DCHS2: variants seen among roughly 807,000 people sequenced by gnomAD.
DCHS2 encodes the protein protocadherin-23.
A neutral mutation model predicts 182.4 loss-of-function variants in DCHS2; 142 were observed. That is an observed-to-expected ratio of 0.78 (90% CI 0.68 to 0.89). The LOEUF is 0.89. Ranked by LOEUF, DCHS2 falls within the 40% of genes least tolerant of loss-of-function variation. DCHS2 has a pLI of 0.00. For synonymous variants in DCHS2, 1,740 were observed against 1,663.3 expected (o/e 1.05, Z -1.12); for missense variants, 4,319 against 4,198.6 (o/e 1.03, Z -0.79).
At chr4:154,276,297 C>T (rs540132046) in intron 13 of DCHS2, among the ~76,000 whole-genome samples, 8 of 152,092 alleles carry the variant, frequency 5.3e-5, no homozygotes, top group Middle Eastern at 6.8e-3. Flanking sequence ...AGTCTGACAC[C>T]GTATTTAAAA....
At chr4:154,322,646 C>A in intron 7 of DCHS2, 158 bp from the exon 8 acceptor site, 2 of 1,061,208 alleles carry the variant, frequency 1.9e-6, no homozygotes, top group Non-Finnish European at 2.5e-6. Flanking sequence ...CAAGAAACAT[C>A]ACTTTTTAAA....
intron 1 of DCHS2, among the ~76,000 whole-genome samples, chr4:154,395,695 C>G (rs1339619155): frequency 6.6e-6 from 1 of 152,176 alleles, no homozygotes; most frequent in African/African-American, 2.4e-5. Flanking sequence ...AGCAAATTTT[C>G]TTTCCAATGC....
chr4:154,387,471 CT>C (rs1331160544), intron 1 of DCHS2, among the ~76,000 whole-genome samples: 1 of 151,948 alleles, frequency 6.6e-6, no homozygotes, highest in Admixed American at 6.6e-5. Context: ...ACATAAATTG[CT>C]AGAAAAATTG....
At chr4:154,309,869 T>A (rs771280832) in intron 10 of DCHS2, among the ~76,000 whole-genome samples, 2 of 152,172 alleles carry the variant, frequency 1.3e-5, no homozygotes, top group Non-Finnish European at 2.9e-5. Context: ...TTTGACCACA[T>A]AATAGTAAAA....
chr4:154,352,753 A>G (rs1729680005), intron 3 of DCHS2, among the ~76,000 whole-genome samples: 1 of 152,218 alleles, frequency 6.6e-6, no homozygotes, highest in Admixed American at 6.5e-5. Flanking sequence ...GTGATGTGAG[A>G]AACCTAGAGA....
intron 1 of DCHS2, among the ~76,000 whole-genome samples, chr4:154,430,179 G>A (rs530641456): frequency 6.6e-6 from 1 of 152,268 alleles, no homozygotes; most frequent in South Asian, 2.1e-4. Flanking sequence ...TAGCATGCTT[G>A]CAGATGACAC....
intron 1 of DCHS2, among the ~76,000 whole-genome samples, chr4:154,382,187 C>A (rs934712612): frequency 6.6e-6 from 1 of 152,008 alleles, no homozygotes; most frequent in African/African-American, 2.4e-5. Context: ...GGAAAGGACT[C>A]CTTAATCAAT....
chr4:154,276,676 G>T (rs538101259), intron 13 of DCHS2, among the ~76,000 whole-genome samples: 84 of 152,276 alleles, frequency 5.5e-4, no homozygotes, highest in African/African-American at 2.0e-3. Context: ...CTTAAGAAAA[G>T]CCTGGAGTGA....
At chr4:154,387,121 A>C (rs1439382395) in intron 1 of DCHS2, among the ~76,000 whole-genome samples, 1 of 152,204 alleles carries the variant, frequency 6.6e-6, no homozygotes, top group African/African-American at 2.4e-5. Context: ...CATATCCTCA[A>C]GTTACAGCCT....
chr4:154,391,358 T>A, intron 1 of DCHS2: 1 of 1,536,248 alleles, frequency 6.5e-7, no homozygotes, highest in Non-Finnish European at 8.8e-7. Flanking sequence ...ATGAACCCTT[T>A]CCTTGTGCTA....
chr4:154,249,177 C>T (rs933260334), intron 16 of DCHS2, among the ~76,000 whole-genome samples: 1 of 152,146 alleles, frequency 6.6e-6, no homozygotes, highest in South Asian at 2.1e-4. Flanking sequence ...AAAATATTCA[C>T]TAACTATGCA....
At chr4:154,273,388 T>C (rs1361260283) in intron 13 of DCHS2, among the ~76,000 whole-genome samples, 1 of 152,098 alleles carries the variant, frequency 6.6e-6, no homozygotes. Context: ...TTCTCATTCG[T>C]ATGTGGGAGC....
At chr4:154,330,955 T>C (rs1736494357) in intron 5 of DCHS2, among the ~76,000 whole-genome samples, 1 of 151,780 alleles carries the variant, frequency 6.6e-6, no homozygotes, top group Admixed American at 6.6e-5. Flanking sequence ...GCCTTGGAGG[T>C]CGGGGATGTA....
At chr4:154,451,448 T>C (rs1024165108) in intron 1 of DCHS2, among the ~76,000 whole-genome samples, 1 of 152,142 alleles carries the variant, frequency 6.6e-6, no homozygotes, top group African/African-American at 2.4e-5. Context: ...GTGTTATTAA[T>C]ATATATAGGC....
intron 1 of DCHS2, among the ~76,000 whole-genome samples, chr4:154,487,086 C>T (rs1728617190): frequency 6.6e-6 from 1 of 152,280 alleles, no homozygotes; most frequent in East Asian, 1.9e-4. Flanking sequence ...TCAAAAAAAT[C>T]ATAATTAATC....
Position 154,322,351 on chromosome 4 carries a change from G to T in DCHS2, c.4156C>A (p.Gln1386Lys), listed in dbSNP as rs776891045. The change falls in exon 8 of 20, where the codon CAG (glutamine) becomes AAG (lysine). Residue 1386 changes from glutamine (Q) to lysine (K), a missense_variant. Transcript: ENST00000357232. ...TDQGVPPLQGQAVVNIQVIPL... is the reference protein window; with the variant it reads ...TDQGVPPLQGKAVVNIQVIPL... The stretch of plus-strand genomic sequence containing the variant: ...ATTACCTGAATATTAACAACTGCCT[G>T]TCCTTGAAGAGGAGGCACTCCCTGG... 7 of 1,613,596 alleles carry T rather than the reference G, an allele frequency of 4.3e-6. No homozygotes were observed. Among genetic ancestry groups the T allele is most frequent in the Non-Finnish European group, 5.9e-6 (7 of 1,179,740 alleles).
intron 1 of DCHS2, among the ~76,000 whole-genome samples, chr4:154,409,418 A>G (rs1347789504): frequency 6.6e-6 from 1 of 151,982 alleles, no homozygotes; most frequent in Admixed American, 6.5e-5. Context: ...CTAAATTGTG[A>G]TTGTACCCTG....
intron 1 of DCHS2, among the ~76,000 whole-genome samples, chr4:154,461,775 TTAAG>T (rs1735019437): frequency 6.6e-6 from 1 of 152,186 alleles, no homozygotes; most frequent in Non-Finnish European, 1.5e-5. Flanking sequence ...ACATAGATCC[TTAAG>T]TAACTGTATT....
chr4:154,252,356 G>A (rs1732411845), intron 16 of DCHS2, among the ~76,000 whole-genome samples: 1 of 152,060 alleles, frequency 6.6e-6, no homozygotes, highest in Middle Eastern at 3.4e-3. Context: ...TAATCTTTTT[G>A]TTATTTTTAA....
Sources: gnomAD v4.1 joint callset for allele counts (sites outside exome capture counted in the v4.1 genomes callset) on GRCh38, gnomAD v4.1.1 for gene constraint, MANE v1.5 for transcripts, NCBI Gene and HGNC (gene_info 2026-07-23, HGNC 2026-07-21) for gene names.